PTGER3: variants seen among roughly 807,000 people sequenced by gnomAD.
The protein encoded by PTGER3 is prostaglandin E2 receptor EP3 subtype.
Under a neutral mutation model 34.7 loss-of-function variants are expected in PTGER3, and 22 were observed. The ratio of observed to expected loss-of-function variants is 0.63; its 90% CI spans 0.45 to 0.91. PTGER3 has a LOEUF of 0.91. Among genes scored for constraint, PTGER3 ranks in the 40% least tolerant of loss-of-function variants. The pLI, the probability that PTGER3 is intolerant of heterozygous loss-of-function variation, is 0.00. For synonymous variants in PTGER3, 241 were observed against 230.1 expected (o/e 1.05, Z -0.43); for missense variants, 468 against 519.4 (o/e 0.90, Z 0.96).
intron 3 of PTGER3, among the ~76,000 whole-genome samples, chr1:70,971,992 T>C (rs924060910): frequency 3.3e-5 from 5 of 152,084 alleles, no homozygotes; most frequent in Non-Finnish European, 7.4e-5. Context: ...TAAGGAAGAA[T>C]AGAAGCTGAA....
chr1:70,865,678 T>C (rs1646025865), intron 4 of PTGER3: 2 of 1,365,646 alleles, frequency 1.5e-6, no homozygotes, highest in Admixed American at 1.9e-5. Context: ...CAATGTGGAG[T>C]CTTTACTTAC....
At chr1:71,016,089 C>T (rs1657867293) in intron 1 of PTGER3, among the ~76,000 whole-genome samples, 1 of 152,144 alleles carries the variant, frequency 6.6e-6, no homozygotes, top group Admixed American at 6.6e-5. Context: ...TATGCCACCA[C>T]ACTCAATTAA....
intron 4 of PTGER3, among the ~76,000 whole-genome samples, chr1:70,891,442 C>G (rs1377368360): frequency 6.6e-6 from 1 of 152,146 alleles, no homozygotes; most frequent in Non-Finnish European, 1.5e-5. Flanking sequence ...AGGCTCAACA[C>G]TCCTAGCACT....
Position 70,971,713 on chromosome 1 carries a change from C to T in PTGER3, c.*17G>A, listed in dbSNP as rs1471082900. Reference sequence around the variant, plus strand: ...GGAAGCAGGAATTGCAATAAAATGTCCAACTCCGTTCTTTCATTATCTGTT... The same window carrying T: ...GGAAGCAGGAATTGCAATAAAATGTTCAACTCCGTTCTTTCATTATCTGTT... On this transcript the variant is annotated 3_prime_UTR_variant, in exon 4 of 4. Coordinates refer to ENST00000306666, the MANE Select transcript of PTGER3 (RefSeq NM_198719.2). The T allele has an allele frequency of 2.6e-6, 4 of 1,564,782 alleles. No homozygotes were observed. The highest frequency in any genetic ancestry group is 3.5e-6 in the Non-Finnish European group (4 of 1,154,930).
intron 4 of PTGER3, among the ~76,000 whole-genome samples, chr1:70,894,417 G>T (rs929428543): frequency 2.0e-5 from 3 of 151,404 alleles, no homozygotes; most frequent in African/African-American, 7.3e-5. Flanking sequence ...TTTTGAGCCT[G>T]CAAGTCTGCC....
At chr1:70,886,272 A>G (rs1646497351) in intron 4 of PTGER3, 1 of 449,734 alleles carries the variant, frequency 2.2e-6, no homozygotes, top group Non-Finnish European at 4.5e-6. Context: ...AAAAGAGGGC[A>G]CTCACCAGAC....
At chr1:71,010,129 G>A (rs1244204833) in intron 2 of PTGER3, 2 of 984,944 alleles carry the variant, frequency 2.0e-6, no homozygotes, top group Non-Finnish European at 2.4e-6. Flanking sequence ...ATAAGTGTCA[G>A]GTTTTTTGCC....
At chr1:70,945,114 C>G (rs1650105946) in intron 4 of PTGER3, among the ~76,000 whole-genome samples, 2 of 152,138 alleles carry the variant, frequency 1.3e-5, no homozygotes, top group Admixed American at 1.3e-4. Flanking sequence ...GCTTGATTGA[C>G]TTCAAAATCT....
intron 2 of PTGER3, chr1:71,008,898 C>T (rs577347099): frequency 1.1e-5 from 11 of 974,344 alleles, no homozygotes; most frequent in Middle Eastern, 5.2e-4. Context: ...CTGTGTCATT[C>T]AGCTCCTAGA....
At chr1:70,927,736 A>G (rs190353129) in intron 4 of PTGER3, among the ~76,000 whole-genome samples, 278 of 152,280 alleles carry the variant, frequency 1.8e-3, no homozygotes, top group South Asian at 3.3e-3. Context: ...CATAAAGGAG[A>G]CTCTGGAGAA....
chr1:70,874,661 T>A (rs759002737), intron 4 of PTGER3, among the ~76,000 whole-genome samples: 42 of 152,294 alleles, frequency 2.8e-4, no homozygotes, highest in Middle Eastern at 3.4e-3. Context: ...TCTCTTTATG[T>A]CTCTCCTTCT....
rs558603410 is a variant in PTGER3, at chr1:70,917,189, C to T, written c.*23+36574G>A. Among the ~76,000 whole-genome samples, 10 of 151,622 alleles carry T rather than the reference C, an allele frequency of 6.6e-5. No individual in the cohort carries two copies. In the South Asian group the frequency reaches 2.1e-3, roughly 32 times the overall value. Reference sequence around the variant, plus strand: ...CAATCTTTCCTGGTCCCCCTGCAACCCCCGCTTTCCCCCTCTCTCCTCAGT... The same window carrying T: ...CAATCTTTCCTGGTCCCCCTGCAACTCCCGCTTTCCCCCTCTCTCCTCAGT... On this transcript the variant is annotated intron_variant, in intron 4 of 4. Transcript: ENST00000370931.
chr1:70,957,158 ATCTAT>A (rs1462022508), intron 2 of PTGER3, among the ~76,000 whole-genome samples: 2 of 152,326 alleles, frequency 1.3e-5, no homozygotes, highest in South Asian at 4.1e-4. Flanking sequence ...AACATCATAC[ATCTAT>A]TCGAATGTCC....
At chr1:70,935,094 G>A (rs574171050) in intron 4 of PTGER3, among the ~76,000 whole-genome samples, 2 of 152,058 alleles carry the variant, frequency 1.3e-5, no homozygotes, top group East Asian at 1.9e-4. Flanking sequence ...AAGATGCCTC[G>A]ATCCTAAAGT....
intron 1 of PTGER3, among the ~76,000 whole-genome samples, chr1:71,021,216 G>C (rs563404322): frequency 9.9e-5 from 15 of 152,166 alleles, no homozygotes; most frequent in Non-Finnish European, 1.8e-4. Context: ...TTCAGTTACT[G>C]GATATGGAAA....
chr1:70,870,019 A>G (rs747245167), intron 4 of PTGER3, among the ~76,000 whole-genome samples: 6 of 152,168 alleles, frequency 3.9e-5, no homozygotes, highest in Non-Finnish European at 8.8e-5. Context: ...GCACTACTTG[A>G]ATAGAGGTTC....
At chr1:70,879,626 G>A (rs1180473463) in intron 4 of PTGER3, among the ~76,000 whole-genome samples, 1 of 152,046 alleles carries the variant, frequency 6.6e-6, no homozygotes, top group Non-Finnish European at 1.5e-5. Context: ...GCTATTTTCT[G>A]TTTTCCATTT....
chr1:71,037,998 T>C (rs1173443513), intron 1 of PTGER3, among the ~76,000 whole-genome samples: 1 of 152,156 alleles, frequency 6.6e-6, no homozygotes, highest in Non-Finnish European at 1.5e-5. Flanking sequence ...CCAAATAAGG[T>C]TGTTGGTAGC....
intron 4 of PTGER3, among the ~76,000 whole-genome samples, chr1:70,874,235 A>G (rs1333962118): frequency 6.6e-6 from 1 of 152,206 alleles, no homozygotes; most frequent in Non-Finnish European, 1.5e-5. Flanking sequence ...GCAGAACTGC[A>G]TGTACTCACA....
Sources: gnomAD v4.1 joint callset for allele counts (sites outside exome capture counted in the v4.1 genomes callset) on GRCh38, gnomAD v4.1.1 for gene constraint, MANE v1.5 for transcripts, NCBI Gene and HGNC (gene_info 2026-07-23, HGNC 2026-07-21) for gene names.